The following DTHD1 variants were observed in gnomAD, a reference collection of about 807,000 sequenced individuals.
The protein encoded by DTHD1 is death domain-containing protein 1.
Under a neutral mutation model 74.8 loss-of-function variants are expected in DTHD1, and 59 were observed. The observed-to-expected ratio is 0.79, with a 90% CI of 0.64 to 0.98. DTHD1 has a LOEUF of 0.98. DTHD1 is among the 50% of genes least tolerant of loss of function. DTHD1 has a pLI of 0.00. For missense variants in DTHD1, 1,051 were observed against 1,065.4 expected, an observed-to-expected ratio of 0.99 and a Z score of 0.19; for synonymous variants, 365 against 371.1, an observed-to-expected ratio of 0.98 and a Z score of 0.19.
At chr4:36,306,616 T>C (rs1461786407) in intron 6 of DTHD1, among the ~76,000 whole-genome samples, 1 of 152,358 alleles carries the variant, frequency 6.6e-6, no homozygotes, top group African/African-American at 2.4e-5. Context: ...AAATAGCACC[T>C]TCATTTCTGA....
chr4:36,322,583 G>C (rs1267782825), intron 8 of DTHD1, among the ~76,000 whole-genome samples: 2 of 152,058 alleles, frequency 1.3e-5, no homozygotes, highest in Non-Finnish European at 2.9e-5. Context: ...CGCATTTCAA[G>C]TCAAGGACTC....
Position 36,284,076 on chromosome 4 carries a change from C to G in DTHD1, c.372C>G (p.Cys124Trp), listed in dbSNP as rs760819882. The G allele has an allele frequency of 1.3e-6, 2 of 1,537,032 alleles. No individual in the cohort carries two copies. The highest frequency in any genetic ancestry group is 2.0e-5 in the Admixed American group (1 of 50,966). Residue 124 changes from cysteine (C) to tryptophan (W), a missense_variant, in exon 2 of 10, where the codon TGC becomes TGG. By Grantham distance (215) the Cys-to-Trp change is radical. Transcript: ENST00000639862. ...KKEEKEICNL[C>W]GMHDECTPQQ... is the part of the protein sequence containing the mutation. ...AAGAAAAGGAGATTTGTAATTTATG[C>G]GGCATGCATGATGAATGTACTCCAC...
chr4:36,290,475 C>T lies in DTHD1; in HGVS notation c.990C>T (p.His330=), dbSNP rs898032481. Residue 330 remains histidine, a synonymous_variant, in exon 3 of 10, where the codon CAC becomes CAT. Transcript: ENST00000639862. ...AACTAGAATGCCGGATAATAAATCA[C>T]ATGAGTTCTTTAATAGTGGGTGATA... ...LQQLECRIIN[H]MSSLIVGDNE... The T allele has an allele frequency of 1.3e-6, 2 of 1,551,772 alleles. No homozygotes were observed.
intron 5 of DTHD1, among the ~76,000 whole-genome samples, chr4:36,305,304 G>A (rs563652165): frequency 6.6e-6 from 1 of 152,262 alleles, no homozygotes; most frequent in East Asian, 1.9e-4. Context: ...GAGGTTTAAT[G>A]GACTCACAGT....
chr4:36,283,000 A>AAAAAC (rs1262867318), intron 1 of DTHD1, among the ~76,000 whole-genome samples: 1 of 152,226 alleles, frequency 6.6e-6, no homozygotes, highest in Non-Finnish European at 1.5e-5. Flanking sequence ...GGTATAAGAC[A>AAAAAC]AAAACAAAAC....
chr4:36,343,574 C>T lies in DTHD1; in HGVS notation c.2471C>T (p.Ser824Leu), dbSNP rs1224621928. The T allele has an allele frequency of 1.2e-5, 18 of 1,551,540 alleles. No homozygotes were observed. The highest frequency in any genetic ancestry group is 2.4e-5 in the East Asian group (1 of 40,924). Residue 824 changes from serine to leucine, a missense_variant, in exon 10 of 10, where the codon TCA (serine) becomes TTA (leucine). Ser to Leu is a moderately radical substitution (Grantham distance 145, BLOSUM62 -2). Transcript: ENST00000639862. Reference protein sequence around the residue: ...LSEENAESLSSTLPLRRSTIQ... With the variant: ...LSEENAESLSLTLPLRRSTIQ... ...GAAGAAAATGCTGAGTCTCTTTCCT[C>T]AACTCTCCCTCTGCGCCGTAGCACC...
In DTHD1 at chr4:36,343,881, C is replaced by T. The variant is rs1759464468; in HGVS notation, c.*57C>T. ...AAAGGCACACGGTGGGTTTTTGTTT[C>T]TGTCAACATTTTCCTGGAAGTTTCC... is the stretch of plus-strand genomic sequence containing the variant. On this transcript the variant is annotated 3_prime_UTR_variant, in exon 10 of 10. Coordinates refer to ENST00000639862, the MANE Select transcript of DTHD1 (RefSeq NM_001170700.3). 2 of 1,431,066 alleles carry T rather than the reference C, an allele frequency of 1.4e-6. No individual in the cohort carries two copies. The highest frequency in any genetic ancestry group is 1.8e-6 in the Non-Finnish European group (2 of 1,082,008). The allele number at this position is 1,431,066 out of a possible 1,614,324, so 88.6% of individuals were successfully genotyped here.
At chr4:36,325,578 G>A (rs1758295574) in intron 8 of DTHD1, among the ~76,000 whole-genome samples, 1 of 152,136 alleles carries the variant, frequency 6.6e-6, no homozygotes, top group Non-Finnish European at 1.5e-5. Context: ...AGTAAAGATA[G>A]CAAGAAAAGA....
At chr4:36,283,721 G>T (rs2109435768) in intron 1 of DTHD1, 1 of 459,076 alleles carries the variant, frequency 2.2e-6, no homozygotes, top group Non-Finnish European at 3.8e-6. Context: ...AATATTCGAA[G>T]TATCTTTATA....
chr4:36,318,753 T>A (rs941847511), intron 8 of DTHD1, among the ~76,000 whole-genome samples: 4 of 151,858 alleles, frequency 2.6e-5, no homozygotes, highest in Non-Finnish European at 5.9e-5. Context: ...TAGCTGGGAC[T>A]ACAGGCGCCC....
At chr4:36,292,592 C>T (rs755987328) in intron 3 of DTHD1, among the ~76,000 whole-genome samples, 14 of 152,134 alleles carry the variant, frequency 9.2e-5, no homozygotes, top group South Asian at 4.1e-4. Flanking sequence ...TCCCTCTGGC[C>T]GGTTAACAAT....
At chr4:36,312,951 AAC>A (rs1460330725) in intron 7 of DTHD1, among the ~76,000 whole-genome samples, 1 of 152,242 alleles carries the variant, frequency 6.6e-6, no homozygotes, top group Non-Finnish European at 1.5e-5. Context: ...AATTGCAGTA[AAC>A]CAGGCAAAAA....
intron 8 of DTHD1, among the ~76,000 whole-genome samples, chr4:36,336,738 C>A (rs1759030189): frequency 6.6e-6 from 1 of 152,158 alleles, no homozygotes; most frequent in Admixed American, 6.5e-5. Flanking sequence ...GCATGGTTCA[C>A]AGAAGTGCCT....
chr4:36,281,623 T>A lies in DTHD1; in HGVS notation c.-136T>A, dbSNP rs527686960. On this transcript the variant is annotated 5_prime_UTR_variant, in exon 1 of 10. The change abolishes an upstream ATG in the 5' untranslated region. Transcript: ENST00000639862. ...TCAACACCAAACTGAATAACCACTATGTTGTGAGAAAGTGCTGGGCTAGCT... is the reference window on the plus strand; with the variant it reads ...TCAACACCAAACTGAATAACCACTAAGTTGTGAGAAAGTGCTGGGCTAGCT... 232 of 1,215,064 alleles carry A rather than the reference T, an allele frequency of 1.9e-4. No individual in the cohort carries two copies. In the Middle Eastern group the frequency reaches 3.6e-3, roughly 19 times the overall value. The allele number at this position is 1,215,064 out of a possible 1,614,324, so 75.3% of individuals were successfully genotyped here.
In DTHD1 at chr4:36,345,903, C is replaced by G. The variant is rs2109594221; in HGVS notation, c.*2079C>G. On this transcript the variant is annotated 3_prime_UTR_variant, in exon 10 of 10. Transcript: ENST00000639862. ...ATGTGTTCACCTGCATGCACACATG[C>G]TAATATGTATGTCCCATCACACACA... The G allele has an allele frequency of 6.5e-6, 1 of 152,770 alleles. No homozygotes were observed. Among genetic ancestry groups the G allele is most frequent in the African/African-American group, 2.4e-5 (1 of 41,532 alleles). The allele number at this position is 152,770 out of a possible 1,614,324, so 9.5% of individuals were successfully genotyped here. A position where few individuals can be genotyped will look rare whatever the true frequency, so the allele number is the denominator to read the frequency against.
At position 36,347,158 on chromosome 4, in the gene DTHD1, T is replaced by C. The variant is rs1405161390; in HGVS notation, c.*3334T>C. The stretch of plus-strand genomic sequence containing the variant: ...ACTGTCTTATTAAATTATGAGTTTT[T>C]AATGTCTTCGAATGTTTTAATGACT... On this transcript the variant is annotated 3_prime_UTR_variant, in exon 10 of 10. Coordinates refer to ENST00000639862, the MANE Select transcript of DTHD1 (RefSeq NM_001170700.3). 6.6e-6 allele frequency among the ~76,000 whole-genome samples: 1 copy of C among 152,212 alleles called. No individual in the cohort carries two copies. The highest frequency in any genetic ancestry group is 1.5e-5 in the Non-Finnish European group (1 of 68,036).
In DTHD1 at chr4:36,290,295, GTC is replaced by G. The variant is rs1320034986; in HGVS notation, c.888-76_888-75del. ...CACACCAAGACAATGTAGATCTAGA[GTC>G]TGTGCTTTTCTGCATTTAGCTGTAA... On this transcript the variant is annotated intron_variant, in intron 2 of 9. Transcript: ENST00000639862. 9 of 1,357,474 alleles carry G rather than the reference GTC, an allele frequency of 6.6e-6. No individual in the cohort carries two copies. In the Admixed American group the frequency reaches 1.2e-4, roughly 18 times the overall value. 84.1% of individuals were successfully genotyped at this position (1,357,474 alleles called of 1,614,324 possible). A position where few individuals can be genotyped will look rare whatever the true frequency, so the allele number is the denominator to read the frequency against.
In DTHD1 at chr4:36,323,323, C is replaced by T. The variant is rs576574815; in HGVS notation, c.2340+6837C>T. ...AGTGCAAGAATCAGTTCGTCAGAAT[C>T]GCCACTTTCACCACTTTGGATTTCA... is the stretch of plus-strand genomic sequence containing the variant. On this transcript the variant is annotated intron_variant, in intron 8 of 9. Coordinates refer to ENST00000639862, the MANE Select transcript of DTHD1 (RefSeq NM_001170700.3). 1.6e-3 allele frequency among the ~76,000 whole-genome samples: 246 copies of T among 152,262 alleles called. 1 individual carries two copies. The Middle Eastern group carries it at 0.017, about 11-fold the overall frequency.
intron 4 of DTHD1, among the ~76,000 whole-genome samples, chr4:36,294,451 T>G (rs556087115): frequency 3.3e-5 from 5 of 152,194 alleles, no homozygotes; most frequent in African/African-American, 1.2e-4. Flanking sequence ...TTCTAGTTTC[T>G]AAAGATCACT....
Sources: gnomAD v4.1 joint callset for allele counts (sites outside exome capture counted in the v4.1 genomes callset) on GRCh38, gnomAD v4.1.1 for gene constraint, MANE v1.5 for transcripts, NCBI Gene and HGNC (gene_info 2026-07-23, HGNC 2026-07-21) for gene names.